The following USP40 variants were observed in gnomAD, a reference collection of about 807,000 sequenced individuals.
USP40 encodes ubiquitin specific peptidase 40.
Under a neutral mutation model 166.2 loss-of-function variants are expected in USP40, and 143 were observed. That is an observed-to-expected ratio of 0.86 (90% CI 0.75 to 0.99). The LOEUF is 0.99. USP40 is among the 50% of genes least tolerant of loss of function. USP40 has a pLI of 0.00. For missense variants in USP40, 1,444 were observed against 1,479.7 expected, an observed-to-expected ratio of 0.98 and a Z score of 0.40; for synonymous variants, 498 against 524.0, an observed-to-expected ratio of 0.95 and a Z score of 0.68.
intron 9 of USP40, among the ~76,000 whole-genome samples, chr2:233,541,162 A>G (rs1394728152): frequency 2.6e-5 from 4 of 152,246 alleles, no homozygotes; most frequent in Non-Finnish European, 5.9e-5. Context: ...GTTTTGAAGT[A>G]TAAACAAGTT....
At position 233,523,168 on chromosome 2, in the gene USP40, A is replaced by C. The variant is rs1476892315; in HGVS notation, c.2201+2T>G. On this transcript the variant is annotated splice_donor_variant, in intron 16 of 31. Coordinates refer to ENST00000678225, the MANE Select transcript of USP40 (RefSeq NM_001365479.2). LOFTEE classifies it high-confidence loss of function. ...ATCCTTTTTCTCTTGTTAGCGAGTT[A>C]CCTGTTATCATCATGAGAATCCTGA... The C allele has an allele frequency of 6.2e-7, 1 of 1,602,306 alleles. No homozygotes were observed. Among genetic ancestry groups the C allele is most frequent in the East Asian group, 2.2e-5 (1 of 44,606 alleles).
intron 27 of USP40, 34 bp downstream of exon 27, chr2:233,489,331 A>G: frequency 6.5e-7 from 1 of 1,531,318 alleles, no homozygotes; most frequent in Non-Finnish European, 8.9e-7. Context: ...TCAGCAGCAG[A>G]GAGGGACAGT....
chr2:233,566,229 T>C (rs1028639675), intron 1 of USP40, among the ~76,000 whole-genome samples: 6 of 152,098 alleles, frequency 3.9e-5, no homozygotes, highest in African/African-American at 1.4e-4. Context: ...CCTTCCAGTA[T>C]GTATCCACTA....
At position 233,477,438 on chromosome 2, in the gene USP40, C is replaced by T. The variant is rs201649817; in HGVS notation, c.3665G>A (p.Arg1222Gln). The change falls in exon 32 of 32, where the codon CGA becomes CAA. Residue 1222 changes from arginine to glutamine, a missense_variant. Transcript: ENST00000678225. ...GATGGAGAGAGAAGTTTCCGGGGCT[C>T]GGGGCCGGGCAGGCGTCTCTGCACT... ...LSSAETPARP[R>Q]APETSLSIHV... The T allele has an allele frequency of 5.3e-5, 85 of 1,613,674 alleles. No individual in the cohort carries two copies. The highest frequency in any genetic ancestry group is 5.2e-4 in the African/African-American group (39 of 75,018).
At chr2:233,560,545 G>A (rs903241242) in intron 3 of USP40, among the ~76,000 whole-genome samples, 2 of 152,104 alleles carry the variant, frequency 1.3e-5, no homozygotes, top group Non-Finnish European at 2.9e-5. Context: ...GCAACAGATT[G>A]GGAATAAAAA....
chr2:233,534,815 C>A (rs991384086), intron 10 of USP40, among the ~76,000 whole-genome samples: 3 of 152,022 alleles, frequency 2.0e-5, no homozygotes, highest in Admixed American at 1.3e-4. Flanking sequence ...CCACGTTTTT[C>A]TTTGTTTGAT....
rs2067791849 is a variant in USP40, at chr2:233,523,349, C to T, written c.2022G>A (p.Val674=). The part of the protein sequence containing the change: ...SPHVFPANAE[V]GTVLTALAIP... ...TTGCTAAGGCTGTGAGGACAGTGCC[C>T]ACTTCTGCATTAGCTGGAAAGACAT... Residue 674 remains valine (V), a synonymous_variant, in exon 16 of 32, where the codon GTG becomes GTA. Coordinates refer to ENST00000678225, the MANE Select transcript of USP40 (RefSeq NM_001365479.2). 9.9e-6 allele frequency: 16 copies of T among 1,613,992 alleles called. No homozygotes were observed. Among genetic ancestry groups the T allele is most frequent in the Non-Finnish European group, 1.3e-5 (15 of 1,179,888 alleles).
intron 8 of USP40, among the ~76,000 whole-genome samples, chr2:233,545,303 G>A (rs1055325535): frequency 2.6e-5 from 4 of 152,190 alleles, no homozygotes; most frequent in Admixed American, 1.3e-4. Context: ...GATGATGCTT[G>A]AGCCTATGAG....
chr2:233,564,764 A>C (rs142066310), intron 2 of USP40, among the ~76,000 whole-genome samples: 1 of 152,310 alleles, frequency 6.6e-6, no homozygotes, highest in Non-Finnish European at 1.5e-5. Flanking sequence ...CCATTAATCA[A>C]GCAGATTAAT....
chr2:233,522,190 T>C (rs914726379), intron 16 of USP40, among the ~76,000 whole-genome samples: 11 of 152,148 alleles, frequency 7.2e-5, no homozygotes, highest in African/African-American at 2.7e-4. Flanking sequence ...TACAACTACT[T>C]ATCTACAAAA....
intron 21 of USP40, among the ~76,000 whole-genome samples, chr2:233,502,339 CTTATTTGAAATACTTAGGACTGGAAGTG>C (rs1332001897): frequency 2.0e-5 from 3 of 152,062 alleles, no homozygotes; most frequent in African/African-American, 7.2e-5. Context: ...TTGAGTATCC[CTTATTTGAAATACTTAGGACTGGAAGTG>C]TTGGATTTAA....
At chr2:233,487,738 C>T (rs1311372212) in intron 28 of USP40, 1 of 224,952 alleles carries the variant, frequency 4.4e-6, no homozygotes, top group Non-Finnish European at 9.0e-6. Flanking sequence ...TTGACTATGA[C>T]ATGGGCACAA....
intron 6 of USP40, 67 bp downstream of exon 6, chr2:233,554,313 T>C: frequency 1.4e-6 from 2 of 1,444,102 alleles, no homozygotes; most frequent in Admixed American, 2.6e-5. Flanking sequence ...CGAGACTTTT[T>C]CATACAAGTT....
intron 26 of USP40, among the ~76,000 whole-genome samples, chr2:233,490,414 C>T (rs1422905691): frequency 6.6e-5 from 10 of 152,060 alleles, no homozygotes; most frequent in African/African-American, 1.2e-4. Flanking sequence ...TCAAGTGATC[C>T]GCCTGCCTCA....
Position 233,523,340 on chromosome 2 carries a change from G to A in USP40, c.2031C>T (p.Val677=), listed in dbSNP as rs780234075. ...CTGCTGGGATTGCTAAGGCTGTGAG[G>A]ACAGTGCCCACTTCTGCATTAGCTG... ...VFPANAEVGT[V]LTALAIPAGV... Residue 677 remains valine (V), a synonymous_variant, in exon 16 of 32, where the codon GTC becomes GTT. Coordinates refer to ENST00000678225, the MANE Select transcript of USP40 (RefSeq NM_001365479.2). 1.9e-6 allele frequency: 3 copies of A among 1,613,890 alleles called. No individual in the cohort carries two copies. Among genetic ancestry groups the A allele is most frequent in the Non-Finnish European group, 2.5e-6 (3 of 1,179,898 alleles).
In USP40 at chr2:233,556,930, G is replaced by A. The variant is rs767224127; in HGVS notation, c.471C>T (p.Leu157=). Residue 157 remains leucine, a synonymous_variant, in exon 5 of 32, where the codon CTC becomes CTT. Transcript: ENST00000678225. The stretch of plus-strand genomic sequence containing the variant: ...TGGTTCCATGGTACAGACGATAGAT[G>A]AGGTCATGACCGGAGGTCCCAACTA... ...TSLVGTSGHD[L]IYRLYHGTIV... 6 of 1,613,854 alleles carry A rather than the reference G, an allele frequency of 3.7e-6. No individual in the cohort carries two copies. Among genetic ancestry groups the A allele is most frequent in the South Asian group, 3.3e-5 (3 of 91,090 alleles).
intron 9 of USP40, among the ~76,000 whole-genome samples, chr2:233,541,915 C>A (rs1489181568): frequency 6.6e-6 from 1 of 152,126 alleles, no homozygotes. Flanking sequence ...AAAGTCATAA[C>A]CCAATTCCAA....
rs772060547 is a variant in USP40 at position 233,533,519 on chromosome 2, C to T, written c.1431G>A (p.Met477Ile). 9.3e-6 allele frequency: 15 copies of T among 1,613,744 alleles called. No individual in the cohort carries two copies. The highest frequency in any genetic ancestry group is 1.3e-5 in the Non-Finnish European group (15 of 1,179,778). ...GCAACTGGGATTTCCGATAAAACAA[C>T]ATGTAGGCACTTTCTTTACCCTGAA... ...QQFQGKESAY[M>I]LFYRKSQLQR... The change falls in exon 11 of 32, where the codon ATG (methionine) becomes ATA (isoleucine). Residue 477 changes from methionine (M) to isoleucine (I), a missense_variant. Transcript: ENST00000678225.
Position 233,493,560 on chromosome 2 carries a change from T to A in USP40, c.2791-9A>T. 1 of 1,608,046 alleles carries A rather than the reference T, an allele frequency of 6.2e-7. No individual in the cohort carries two copies. The highest frequency in any genetic ancestry group is 8.5e-7 in the Non-Finnish European group (1 of 1,176,862). On this transcript the variant is annotated splice_polypyrimidine_tract_variant and intron_variant, in intron 24 of 31. Coordinates refer to ENST00000678225, the MANE Select transcript of USP40 (RefSeq NM_001365479.2). This position sits in a 1 kb window ranked among gnomAD's most constrained non-coding sequence, Gnocchi z 4.7. The stretch of plus-strand genomic sequence containing the variant: ...GGCACCTTCAGGAAACCCTGAAGAA[T>A]GGAGCATGTTTAACTGCTGTGATTA...
Sources: allele counts gnomAD v4.1 joint callset (sites outside exome capture counted in the v4.1 genomes callset), GRCh38; gene constraint gnomAD v4.1.1; non-coding constraint Gnocchi (gnomAD v3.1); transcripts MANE v1.5; gene names NCBI Gene and HGNC (gene_info 2026-07-23, HGNC 2026-07-21).